The following ABCC8 variants were observed in gnomAD, a reference collection of about 807,000 sequenced individuals.
ABCC8 encodes the protein ATP binding cassette subfamily C member 8, also known as ATP-binding cassette sub-family C member 8.
A neutral mutation model predicts 188.0 loss-of-function variants in ABCC8; 137 were observed. The observed-to-expected ratio is 0.73, with a 90% CI of 0.63 to 0.84. The LOEUF is 0.84. ABCC8 is among the 40% of genes least tolerant of loss of function. ABCC8 has a pLI of 0.00. For synonymous variants in ABCC8, 797 were observed against 846.5 expected, an observed-to-expected ratio of 0.94 and a Z score of 1.01; for missense variants, 1,750 against 2,072.7, an observed-to-expected ratio of 0.84 and a Z score of 3.02.
chr11:17,405,920 C>G (rs934554383), intron 26 of ABCC8, among the ~76,000 whole-genome samples: 7 of 152,228 alleles, frequency 4.6e-5, no homozygotes, highest in African/African-American at 1.7e-4. Flanking sequence ...CTGGCTGACC[C>G]AGAGTCAGCC....
intron 19 of ABCC8, 131 bp downstream of exon 19, chr11:17,414,381 G>A: frequency 1.6e-6 from 2 of 1,286,282 alleles, no homozygotes; most frequent in Non-Finnish European, 2.2e-6. Flanking sequence ...GGAGAGGCTG[G>A]AGTGCAGGTA....
At chr11:17,452,224 A>G (rs189174742) in intron 7 of ABCC8, among the ~76,000 whole-genome samples, 125 of 152,314 alleles carry the variant, frequency 8.2e-4, no homozygotes, top group African/African-American at 2.9e-3. Context: ...GGCTTTGATC[A>G]TCTTTCCAGA....
At chr11:17,461,045 AAGG>A in intron 5 of ABCC8, 4 of 365,606 alleles carry the variant, frequency 1.1e-5, no homozygotes, top group South Asian at 9.6e-5. Context: ...AGAGGAAGTG[AAGG>A]AGCACTGGAC....
chr11:17,427,012 T>G lies in ABCC8; in HGVS notation c.2222+37A>C, dbSNP rs566843875. On this transcript the variant is annotated intron_variant, in intron 16 of 38. Transcript: ENST00000389817. This position sits in a 1 kb window ranked among gnomAD's most constrained non-coding sequence, Gnocchi z 5.0. ...ACTGAGGAGGATGGTTAAAAGGAGA[T>G]TTCCCCTCCACTGGGCCCTGAGGAT... is the stretch of plus-strand genomic sequence containing the variant. 1.9e-6 allele frequency: 3 copies of G among 1,606,752 alleles called. No homozygotes were observed. The highest frequency in any genetic ancestry group is 8.5e-7 in the Non-Finnish European group (1 of 1,175,726).
At chr11:17,398,316 G>C in intron 30 of ABCC8, 23 bp downstream of exon 30, 5 of 1,613,868 alleles carry the variant, frequency 3.1e-6, no homozygotes, top group Non-Finnish European at 4.2e-6. Context: ...TCAGAGGCCA[G>C]GGTAGAGGGG....
rs181678278 is a variant in ABCC8, at chr11:17,436,205, G to A, written c.1631-3961C>T. ...ATCTTGGGTTCTGGTCTGGATGGAA[G>A]TGACCAGCTACTTGTGTTTTAAAGG... On this transcript the variant is annotated intron_variant, in intron 10 of 38. Coordinates refer to ENST00000389817, the MANE Select transcript of ABCC8 (RefSeq NM_000352.6). 130 of 675,858 alleles carry A rather than the reference G, an allele frequency of 1.9e-4. 1 individual carries two copies. In the East Asian group the frequency reaches 2.6e-3, roughly 13 times the overall value. 41.9% of individuals were successfully genotyped at this position (675,858 alleles called of 1,614,324 possible). A position where few individuals can be genotyped will look rare whatever the true frequency, so the allele number is the denominator to read the frequency against.
In ABCC8 at chr11:17,453,209, C is replaced by CAGA; in HGVS notation, c.1083_1085dup (p.Leu362dup). The CAGA allele has an allele frequency of 6.2e-7, 1 of 1,614,098 alleles. No homozygotes were observed. Among genetic ancestry groups the CAGA allele is most frequent in the Non-Finnish European group, 8.5e-7 (1 of 1,180,034 alleles). On this transcript the variant is annotated inframe_insertion, in exon 7 of 39. Transcript: ENST00000389817. ...TCCTTTGCAGTAGGAGGGCAAGGAA[C>CAGA]AGAAGCACAGCTAAGACGTAGGCAT... is the stretch of plus-strand genomic sequence containing the variant.
chr11:17,431,492 G>C (rs1206934524), intron 11 of ABCC8, among the ~76,000 whole-genome samples: 1 of 152,206 alleles, frequency 6.6e-6, no homozygotes, highest in Non-Finnish European at 1.5e-5. Flanking sequence ...CACAGCTCAG[G>C]GACACTGGCC....
chr11:17,448,767 G>A (rs1372455211), intron 7 of ABCC8, 96 bp from the exon 8 acceptor site: 4 of 1,603,538 alleles, frequency 2.5e-6, no homozygotes, highest in Non-Finnish European at 3.4e-6. Context: ...GGGCTTCTCA[G>A]ACAGTCCCCA....
At chr11:17,428,016 C>G in intron 14 of ABCC8, 74 bp from the exon 15 acceptor site, 1 of 1,588,986 alleles carries the variant, frequency 6.3e-7, no homozygotes. Flanking sequence ...TCTCTGGCTT[C>G]CCCTCCTCCA....
intron 30 of ABCC8, 104 bp from the exon 31 acceptor site, chr11:17,397,901 C>T (rs1954027668): frequency 2.0e-6 from 3 of 1,535,734 alleles, no homozygotes; most frequent in Admixed American, 3.9e-5. Flanking sequence ...GCCAGGCCTC[C>T]ACTCCAGCCC....
intron 7 of ABCC8, among the ~76,000 whole-genome samples, chr11:17,449,231 T>C (rs1956663803): frequency 6.6e-6 from 1 of 152,224 alleles, no homozygotes; most frequent in South Asian, 2.1e-4. Flanking sequence ...CGGTCTGTTC[T>C]TTATTTTTTA....
chr11:17,475,132 G>A, intron 1 of ABCC8, 105 bp from the exon 2 acceptor site: 1 of 1,516,546 alleles, frequency 6.6e-7, no homozygotes, highest in East Asian at 2.4e-5. Context: ...TGGTGAGGGT[G>A]ACACCTACAC....
intron 21 of ABCC8, 87 bp from the exon 22 acceptor site, chr11:17,410,740 C>A: frequency 1.9e-6 from 3 of 1,572,726 alleles, no homozygotes; most frequent in Non-Finnish European, 2.6e-6. Flanking sequence ...CATTAGAGTT[C>A]TATCAACTCT....
chr11:17,395,795 G>A, intron 34 of ABCC8, 57 bp downstream of exon 34: 2 of 1,554,356 alleles, frequency 1.3e-6, no homozygotes, highest in Non-Finnish European at 8.7e-7. Flanking sequence ...ACGTGCCAGG[G>A]CTGAGGCCTC....
intron 6 of ABCC8, among the ~76,000 whole-genome samples, chr11:17,457,129 C>T (rs1300358050): frequency 6.6e-6 from 1 of 152,192 alleles, no homozygotes; most frequent in Non-Finnish European, 1.5e-5. Context: ...GCCAGACCAG[C>T]TGCATGGACA....
intron 10 of ABCC8, among the ~76,000 whole-genome samples, chr11:17,438,058 C>A (rs537075953): frequency 3.3e-5 from 5 of 152,280 alleles, no homozygotes; most frequent in Middle Eastern, 3.4e-3. Context: ...GTTGAGATCG[C>A]GCCACTGCAC....
intron 12 of ABCC8, chr11:17,428,945 G>T (rs576447815): frequency 6.4e-5 from 35 of 544,462 alleles, no homozygotes; most frequent in Non-Finnish European, 1.1e-4. Context: ...GTTAGTCTGG[G>T]TTATTAGACT....
chr11:17,407,544 C>T, intron 23 of ABCC8, 91 bp from the exon 24 acceptor site: 1 of 1,583,280 alleles, frequency 6.3e-7, no homozygotes, highest in Non-Finnish European at 8.6e-7. Context: ...TGGTGATGAC[C>T]AATGTCAGAT....
Sources: gnomAD v4.1 joint callset for allele counts (sites outside exome capture counted in the v4.1 genomes callset) on GRCh38, gnomAD v4.1.1 for gene constraint, Gnocchi (gnomAD v3.1) non-coding constraint, MANE v1.5 for transcripts, NCBI Gene and HGNC (gene_info 2026-07-23, HGNC 2026-07-21) for gene names.